Variants in TMEM132D observed in about 807,000 individuals in gnomAD.
The protein encoded by TMEM132D is mature OL transmembrane protein.
A neutral mutation model predicts 62.3 loss-of-function variants in TMEM132D; 21 were observed. That is an observed-to-expected ratio of 0.34 (90% CI 0.24 to 0.49). TMEM132D has a LOEUF of 0.49. Among genes scored for constraint, TMEM132D ranks in the 20% least tolerant of loss-of-function variants. The probability of loss-of-function intolerance (pLI) is 0.99; values close to 1 mark genes in which losing one functional copy is unlikely to be tolerated. For synonymous variants in TMEM132D, 621 were observed against 575.6 expected, an observed-to-expected ratio of 1.08 and a Z score of -1.13; for missense variants, 1,346 against 1,402.8, an observed-to-expected ratio of 0.96 and a Z score of 0.65.
intron 4 of TMEM132D, among the ~76,000 whole-genome samples, chr12:129,276,662 C>T (rs1881015694): frequency 6.6e-6 from 1 of 152,182 alleles, no homozygotes. Context: ...GAGGAAACTA[C>T]AAATGAATCA....
At chr12:129,422,108 A>AAG (rs1872342918) in intron 3 of TMEM132D, among the ~76,000 whole-genome samples, 1 of 151,946 alleles carries the variant, frequency 6.6e-6, no homozygotes, top group South Asian at 2.1e-4. Flanking sequence ...AAAAAAAAAA[A>AAG]AAGCTTTTCT....
intron 5 of TMEM132D, among the ~76,000 whole-genome samples, chr12:129,168,220 T>C (rs977758102): frequency 6.0e-5 from 9 of 150,470 alleles, no homozygotes; most frequent in African/African-American, 2.2e-4. Flanking sequence ...AGTCTGCTAT[T>C]TGGGCTCCTC....
chr12:129,559,551 G>A (rs1377154148), intron 2 of TMEM132D, among the ~76,000 whole-genome samples: 1 of 152,184 alleles, frequency 6.6e-6, no homozygotes, highest in Non-Finnish European at 1.5e-5. Context: ...TATTTTACGT[G>A]TGTGAGAGGT....
intron 3 of TMEM132D, among the ~76,000 whole-genome samples, chr12:129,395,844 T>C (rs7134563): frequency 0.08 from 11,724 of 147,306 alleles, 1,111 homozygotes; most frequent in African/African-American, 0.23. Context: ...TATATCTATA[T>C]TGATACATTG....
chr12:129,086,019 G>T (rs1874605931), intron 5 of TMEM132D: 1 of 152,206 alleles, frequency 6.6e-6, no homozygotes, highest in African/African-American at 2.4e-5. Flanking sequence ...CTTGTCAAAA[G>T]GTATGTGACC....
intron 4 of TMEM132D, among the ~76,000 whole-genome samples, chr12:129,231,323 G>A (rs1879633906): frequency 6.6e-6 from 1 of 152,154 alleles, no homozygotes; most frequent in Non-Finnish European, 1.5e-5. Flanking sequence ...TTATGGCCAT[G>A]TTCTCTTTGA....
At chr12:129,846,575 A>C (rs1873369640) in intron 1 of TMEM132D, among the ~76,000 whole-genome samples, 1 of 152,134 alleles carries the variant, frequency 6.6e-6, no homozygotes, top group South Asian at 2.1e-4. Context: ...TGATATACCC[A>C]GGTGTGATTT....
At chr12:129,461,585 A>G (rs952407860) in intron 3 of TMEM132D, among the ~76,000 whole-genome samples, 2 of 152,156 alleles carry the variant, frequency 1.3e-5, no homozygotes, top group African/African-American at 4.8e-5. Flanking sequence ...ATCTTCTTAC[A>G]GGTCTTCACA....
At chr12:129,782,817 G>C (rs1593159846) in intron 1 of TMEM132D, among the ~76,000 whole-genome samples, 1 of 152,226 alleles carries the variant, frequency 6.6e-6, no homozygotes, top group African/African-American at 2.4e-5. Context: ...TCCTGATAAA[G>C]CCAGGTAAGT....
intron 1 of TMEM132D, among the ~76,000 whole-genome samples, chr12:129,798,889 C>G (rs538961098): frequency 6.6e-6 from 1 of 152,356 alleles, no homozygotes; most frequent in South Asian, 2.1e-4. Flanking sequence ...AATCTACCAA[C>G]TGTTTTTGCT....
intron 4 of TMEM132D, among the ~76,000 whole-genome samples, chr12:129,241,369 C>G (rs1163329743): frequency 6.6e-6 from 1 of 152,126 alleles, no homozygotes; most frequent in Non-Finnish European, 1.5e-5. Flanking sequence ...CCATGAGACC[C>G]TGAATGACAC....
chr12:129,459,162 T>G (rs1442044695), intron 3 of TMEM132D, among the ~76,000 whole-genome samples: 1 of 152,092 alleles, frequency 6.6e-6, no homozygotes, highest in Non-Finnish European at 1.5e-5. Context: ...TGACTAATGT[T>G]CCAGGATGGC....
intron 3 of TMEM132D, among the ~76,000 whole-genome samples, chr12:129,432,211 A>C (rs1429250300): frequency 6.7e-6 from 1 of 148,206 alleles, no homozygotes; most frequent in South Asian, 2.1e-4. Context: ...GGTTGCATGG[A>C]TGGATGGATG....
At chr12:129,312,658 C>T (rs910326321) in intron 4 of TMEM132D, among the ~76,000 whole-genome samples, 1 of 152,154 alleles carries the variant, frequency 6.6e-6, no homozygotes, top group Admixed American at 6.5e-5. Context: ...CAAGCTCCGC[C>T]TCCCGGGTTC....
At chr12:129,332,740 A>C (rs1869149524) in intron 4 of TMEM132D, among the ~76,000 whole-genome samples, 1 of 152,212 alleles carries the variant, frequency 6.6e-6, no homozygotes, top group East Asian at 1.9e-4. Flanking sequence ...GTGCAAGCCA[A>C]AAAAGTCTGA....
chr12:129,580,343 T>G (rs75840580), intron 2 of TMEM132D, among the ~76,000 whole-genome samples: 2,601 of 152,332 alleles, frequency 0.017, 87 homozygotes, highest in African/African-American at 0.06. Context: ...CACGCCTGCA[T>G]TCGAGTTGAA....
intron 2 of TMEM132D, among the ~76,000 whole-genome samples, chr12:129,635,363 C>A (rs993716970): frequency 1.3e-5 from 2 of 152,206 alleles, no homozygotes; most frequent in Admixed American, 1.3e-4. Flanking sequence ...AAACAACAAA[C>A]AGACAAAAGA....
At chr12:129,551,889 A>T (rs1876907583) in intron 2 of TMEM132D, among the ~76,000 whole-genome samples, 1 of 152,192 alleles carries the variant, frequency 6.6e-6, no homozygotes, top group Non-Finnish European at 1.5e-5. Flanking sequence ...AATAAAGAGA[A>T]CTCAACACCC....
chr12:129,676,388 T>C (rs1880631766), intron 2 of TMEM132D, among the ~76,000 whole-genome samples: 2 of 152,232 alleles, frequency 1.3e-5, no homozygotes, highest in Admixed American at 6.5e-5. Flanking sequence ...TATCCATCTG[T>C]CTGTGTTAGT....
Sources: gnomAD v4.1 joint callset for allele counts (sites outside exome capture counted in the v4.1 genomes callset) on GRCh38, gnomAD v4.1.1 for gene constraint, MANE v1.5 for transcripts, NCBI Gene and HGNC (gene_info 2026-07-23, HGNC 2026-07-21) for gene names.